The following NKAIN2 variants were observed in gnomAD, a reference collection of about 807,000 sequenced individuals.
NKAIN2 encodes the protein sodium/potassium transporting ATPase interacting 2, also known as sodium/potassium-transporting ATPase subunit beta-1-interacting protein 2.
In NKAIN2, 14 loss-of-function variants were observed where a neutral mutation model predicts 32.6. The observed-to-expected ratio is 0.43, with a 90% confidence interval of 0.28 to 0.67. The LOEUF (loss-of-function observed/expected upper bound fraction) is 0.67. Among genes scored for constraint, NKAIN2 ranks in the 30% least tolerant of loss-of-function variants. NKAIN2 has a pLI of 0.17. For missense variants in NKAIN2, 198 were observed against 258.3 expected (o/e 0.77, Z 1.60); for synonymous variants, 80 against 87.2 (o/e 0.92, Z 0.46).
At chr6:124,726,151 A>G (rs1386232263) in intron 4 of NKAIN2, among the ~76,000 whole-genome samples, 1 of 152,168 alleles carries the variant, frequency 6.6e-6, no homozygotes, top group East Asian at 1.9e-4. Flanking sequence ...ACCATTGCCC[A>G]GGCTTGATTA....
intron 2 of NKAIN2, among the ~76,000 whole-genome samples, chr6:124,348,334 G>A (rs552586915): frequency 2.6e-4 from 39 of 152,290 alleles, no homozygotes; most frequent in Non-Finnish European, 4.6e-4. Flanking sequence ...CTCCAGCTGC[G>A]TGCTGGGAGA....
At chr6:123,880,378 T>A (rs7742143) in intron 1 of NKAIN2, among the ~76,000 whole-genome samples, 12,711 of 152,136 alleles carry the variant, frequency 0.084, 1,087 homozygotes, top group African/African-American at 0.22. Flanking sequence ...ATTATAAGAA[T>A]TCACTACAGG....
intron 1 of NKAIN2, among the ~76,000 whole-genome samples, chr6:124,067,740 T>C (rs547340335): frequency 6.6e-6 from 1 of 152,318 alleles, no homozygotes; most frequent in East Asian, 1.9e-4. Flanking sequence ...ACTGACTAGA[T>C]ATGTTTTGTC....
chr6:124,695,960 G>A (rs1294418974), intron 4 of NKAIN2, among the ~76,000 whole-genome samples: 2 of 152,224 alleles, frequency 1.3e-5, no homozygotes, highest in East Asian at 1.9e-4. Flanking sequence ...AACTGCTTTT[G>A]TGCTTAGGTT....
chr6:123,976,671 C>T lies in NKAIN2; in HGVS notation c.54+172417C>T, dbSNP rs182953192. Among the ~76,000 whole-genome samples, 550 of 151,798 alleles carry T rather than the reference C, an allele frequency of 3.6e-3. 7 individuals carry two copies. Among genetic ancestry groups the T allele is most frequent in the African/African-American group, 0.013 (523 of 41,468 alleles). On this transcript the variant is annotated intron_variant, in intron 1 of 6. Coordinates refer to ENST00000368417, the MANE Select transcript of NKAIN2 (RefSeq NM_001040214.3). Reference sequence around the variant, plus strand: ...AATGATAATCTCTTTCAAACACACCCTGCAAGTTAACATATAAAATTAACT... The same window carrying T: ...AATGATAATCTCTTTCAAACACACCTTGCAAGTTAACATATAAAATTAACT...
intron 5 of NKAIN2, among the ~76,000 whole-genome samples, chr6:124,791,796 A>G (rs774743849): frequency 2.6e-4 from 39 of 152,130 alleles, no homozygotes; most frequent in Non-Finnish European, 5.1e-4. Flanking sequence ...CAAATCCCCA[A>G]AATCAACAAT....
At chr6:123,916,232 G>A (rs898585275) in intron 1 of NKAIN2, among the ~76,000 whole-genome samples, 1 of 152,028 alleles carries the variant, frequency 6.6e-6, no homozygotes, top group African/African-American at 2.4e-5. Flanking sequence ...GGTGATTAGG[G>A]ATGTTCTGAG....
intron 1 of NKAIN2, among the ~76,000 whole-genome samples, chr6:124,128,219 T>C (rs928052795): frequency 2.0e-5 from 3 of 152,228 alleles, no homozygotes; most frequent in African/African-American, 7.2e-5. Flanking sequence ...TAAGGACATC[T>C]GATGCTGTTG....
At chr6:124,193,803 G>A (rs901458103) in intron 1 of NKAIN2, among the ~76,000 whole-genome samples, 1 of 152,028 alleles carries the variant, frequency 6.6e-6, no homozygotes, top group African/African-American at 2.4e-5. Context: ...TCTGCTGCCA[G>A]GGTGTCCTGA....
chr6:124,411,127 CTT>C (rs779698510), intron 3 of NKAIN2, among the ~76,000 whole-genome samples: 4 of 152,068 alleles, frequency 2.6e-5, no homozygotes, highest in African/African-American at 7.2e-5. Context: ...GGTCTTGACT[CTT>C]TATCCAGTTT....
At chr6:124,787,730 T>C (rs530031498) in intron 4 of NKAIN2, among the ~76,000 whole-genome samples, 19 of 152,210 alleles carry the variant, frequency 1.2e-4, no homozygotes, top group African/African-American at 4.1e-4. Flanking sequence ...CTTCAGCTCA[T>C]TGTGTAGAAA....
intron 1 of NKAIN2, among the ~76,000 whole-genome samples, chr6:124,184,575 G>T (rs1330583694): frequency 1.3e-5 from 2 of 152,062 alleles, no homozygotes; most frequent in African/African-American, 4.8e-5. Flanking sequence ...CTCTCTGACT[G>T]CCCTCCCAGG....
At chr6:123,977,925 TAA>T (rs993906074) in intron 1 of NKAIN2, among the ~76,000 whole-genome samples, 2 of 152,150 alleles carry the variant, frequency 1.3e-5, no homozygotes, top group African/African-American at 2.4e-5. Flanking sequence ...GGGAGATTTT[TAA>T]AGAGTGTAGC....
intron 3 of NKAIN2, among the ~76,000 whole-genome samples, chr6:124,473,706 A>G (rs1777068642): frequency 6.6e-6 from 1 of 152,158 alleles, no homozygotes; most frequent in African/African-American, 2.4e-5. Flanking sequence ...GCTCTTCATA[A>G]AAAGAGACTC....
At chr6:124,545,757 G>T (rs937575267) in intron 3 of NKAIN2, among the ~76,000 whole-genome samples, 1 of 151,892 alleles carries the variant, frequency 6.6e-6, no homozygotes, top group Non-Finnish European at 1.5e-5. Context: ...AGTTGTTTAT[G>T]TGCAGTGTAC....
In NKAIN2 at chr6:123,939,942, C is replaced by G. The variant is rs574759119; in HGVS notation, c.54+135688C>G. Among the ~76,000 whole-genome samples the G allele has an allele frequency of 9.2e-5, 14 of 152,062 alleles. No individual in the cohort carries two copies. In the East Asian group the frequency reaches 1.5e-3, roughly 17 times the overall value. On this transcript the variant is annotated intron_variant, in intron 1 of 6. Coordinates refer to ENST00000368417, the MANE Select transcript of NKAIN2 (RefSeq NM_001040214.3). ...ACCATTTGCAAGAAGAAACCTGGAGCCTTCTTAACATAGGCATGCTGAAAC... is the reference window on the plus strand; with the variant it reads ...ACCATTTGCAAGAAGAAACCTGGAGGCTTCTTAACATAGGCATGCTGAAAC...
At chr6:124,588,178 G>A (rs1230032881) in intron 3 of NKAIN2, among the ~76,000 whole-genome samples, 1 of 152,126 alleles carries the variant, frequency 6.6e-6, no homozygotes, top group Admixed American at 6.5e-5. Context: ...TTGATGCATA[G>A]TGCCTAACAT....
chr6:123,940,053 A>C (rs1776744116), intron 1 of NKAIN2, among the ~76,000 whole-genome samples: 1 of 151,780 alleles, frequency 6.6e-6, no homozygotes, highest in African/African-American at 2.4e-5. Context: ...GTGCTTAATT[A>C]GTGGCAGAAA....
At chr6:124,421,129 A>G (rs368078171) in intron 3 of NKAIN2, among the ~76,000 whole-genome samples, 15 of 151,748 alleles carry the variant, frequency 9.9e-5, no homozygotes, top group Middle Eastern at 3.4e-3. Context: ...TTGTCCTTGA[A>G]GAAATATCCT....
Sources: gnomAD v4.1 joint callset for allele counts (sites outside exome capture counted in the v4.1 genomes callset) on GRCh38, gnomAD v4.1.1 for gene constraint, MANE v1.5 for transcripts, NCBI Gene and HGNC (gene_info 2026-07-23, HGNC 2026-07-21) for gene names.